CRTC3: variants seen among roughly 807,000 people sequenced by gnomAD.
CRTC3 encodes CREB-regulated transcription coactivator 3.
Under a neutral mutation model 74.5 loss-of-function variants are expected in CRTC3, and 26 were observed. That is an observed-to-expected ratio of 0.35 (90% CI 0.26 to 0.48). The LOEUF is 0.48. CRTC3 is among the 20% of genes least tolerant of loss of function. CRTC3 has a pLI of 0.99. For missense variants in CRTC3, 760 were observed against 787.3 expected (o/e 0.97, Z 0.41); for synonymous variants, 377 against 325.8 (o/e 1.16, Z -1.69).
chr15:90,637,298 G>A (rs546534473), intron 11 of CRTC3, among the ~76,000 whole-genome samples: 43 of 152,170 alleles, frequency 2.8e-4, no homozygotes, highest in African/African-American at 7.0e-4. Context: ...GCAAACTGTC[G>A]CAAGGACAAA....
At chr15:90,578,134 C>G (rs760193199) in intron 2 of CRTC3, among the ~76,000 whole-genome samples, 3 of 152,058 alleles carry the variant, frequency 2.0e-5, no homozygotes, top group African/African-American at 7.2e-5. Flanking sequence ...TCAAGCTGGT[C>G]TGGAACTCCT....
At chr15:90,572,109 C>G (rs1226999869) in intron 2 of CRTC3, among the ~76,000 whole-genome samples, 3 of 149,152 alleles carry the variant, frequency 2.0e-5, no homozygotes, top group Non-Finnish European at 2.9e-5. Context: ...TTGCAGTGAG[C>G]CAAGATTGCG....
intron 9 of CRTC3, among the ~76,000 whole-genome samples, chr15:90,621,542 T>C (rs985524704): frequency 6.6e-6 from 1 of 152,142 alleles, no homozygotes; most frequent in African/African-American, 2.4e-5. Flanking sequence ...AGGCTGGTCT[T>C]GAACTCCTGA....
chr15:90,643,512 C>G lies in CRTC3; in HGVS notation c.*1372C>G. 1 of 229,212 alleles carries G rather than the reference C, an allele frequency of 4.4e-6. No individual in the cohort carries two copies. The highest frequency in any genetic ancestry group is 8.7e-6 in the Non-Finnish European group (1 of 115,562). 14.2% of individuals were successfully genotyped at this position (229,212 alleles called of 1,614,324 possible). On this transcript the variant is annotated 3_prime_UTR_variant, in exon 15 of 15. Coordinates refer to ENST00000268184, the MANE Select transcript of CRTC3 (RefSeq NM_022769.5). ...GGCCCCACCCAGGAAGATCTTCCTT[C>G]TCAGATCCACGTTTGGCTCTAAATT...
intron 11 of CRTC3, chr15:90,634,831 A>G: frequency 6.5e-7 from 1 of 1,526,754 alleles, no homozygotes. Flanking sequence ...CTTCCAGAAA[A>G]ATCTCAAGGA....
chr15:90,557,644 G>A (rs192705832), intron 2 of CRTC3, among the ~76,000 whole-genome samples: 1 of 151,998 alleles, frequency 6.6e-6, no homozygotes, highest in African/African-American at 2.4e-5. Context: ...GACAGAGCCG[G>A]GTCTGTCTGG....
At position 90,642,138 on chromosome 15, in the gene CRTC3, TGAACAGAAGGCAGTG is replaced by T. The variant is rs1230629804; in HGVS notation, c.*8_*22del. On this transcript the variant is annotated stop_retained_variant and 3_prime_UTR_variant, in exon 15 of 15. Coordinates refer to ENST00000268184, the MANE Select transcript of CRTC3 (RefSeq NM_022769.5). Reference sequence around the variant, plus strand: ...AGAGACGTTTCGAGCTGACAGACTGTGAACAGAAGGCAGTGGAACAGAAGAATGTTTTTCTGCAAC... The same window carrying T: ...AGAGACGTTTCGAGCTGACAGACTGTGAACAGAAGAATGTTTTTCTGCAAC... 6.2e-7 allele frequency: 1 copy of T among 1,613,484 alleles called. No individual in the cohort carries two copies. Among genetic ancestry groups the T allele is most frequent in the South Asian group, 1.1e-5 (1 of 91,074 alleles).
intron 2 of CRTC3, among the ~76,000 whole-genome samples, chr15:90,556,020 T>C (rs1235778370): frequency 6.6e-6 from 1 of 152,124 alleles, no homozygotes; most frequent in African/African-American, 2.4e-5. Context: ...ACCATTTTAA[T>C]GTTAAGTTTA....
chr15:90,548,201 T>C (rs977420585), intron 2 of CRTC3, among the ~76,000 whole-genome samples: 1 of 152,232 alleles, frequency 6.6e-6, no homozygotes, highest in Non-Finnish European at 1.5e-5. Flanking sequence ...GTATCCTTTA[T>C]ATAACCTACC....
chr15:90,540,854 A>C (rs1966791139), intron 2 of CRTC3, among the ~76,000 whole-genome samples: 1 of 152,244 alleles, frequency 6.6e-6, no homozygotes, highest in Admixed American at 6.5e-5. Context: ...AGCATAAAAA[A>C]ACTGAGAAAT....
chr15:90,545,865 A>T (rs1018890563), intron 2 of CRTC3, among the ~76,000 whole-genome samples: 2 of 152,232 alleles, frequency 1.3e-5, no homozygotes, highest in South Asian at 2.1e-4. Context: ...GGCGTGAGCC[A>T]CTGCGCCTGG....
intron 2 of CRTC3, among the ~76,000 whole-genome samples, chr15:90,570,048 A>G (rs564528725): frequency 6.6e-6 from 1 of 152,224 alleles, no homozygotes; most frequent in Non-Finnish European, 1.5e-5. Context: ...ATATATTACT[A>G]TGTTGAACAA....
At position 90,617,935 on chromosome 15, in the gene CRTC3, G is replaced by T; in HGVS notation, c.666G>T (p.Lys222Asn). ...AAGAGAATCTGTTAAATGTTCCGAA[G>T]CCACTGCCAAAACAACTGTGGGAGA... ...LKEENLLNVP[K>N]PLPKQLWETK... The change falls in exon 8 of 15, where the codon AAG (lysine) becomes AAT (asparagine). Residue 222 changes from lysine (K) to asparagine (N), a missense_variant. Around this residue, in one of 2 missense-constraint regions of CRTC3, gnomAD observed 652 missense variants for 635.2 expected, o/e 1.03. Coordinates refer to ENST00000268184, the MANE Select transcript of CRTC3 (RefSeq NM_022769.5). The T allele has an allele frequency of 6.2e-7, 1 of 1,612,928 alleles. No homozygotes were observed.
At chr15:90,632,006 A>G (rs1394187278) in intron 11 of CRTC3, among the ~76,000 whole-genome samples, 1 of 151,282 alleles carries the variant, frequency 6.6e-6, no homozygotes, top group African/African-American at 2.4e-5. Context: ...AGCTCAGGTG[A>G]TCCTCCCACC....
At position 90,543,452 on chromosome 15, in the gene CRTC3, C is replaced by T. The variant is rs539952382; in HGVS notation, c.231+3315C>T. On this transcript the variant is annotated intron_variant, in intron 2 of 14. Transcript: ENST00000268184. ...ATCTATACATTCATTTTTTATCTCTCGGTATATGGTTTTATGATTTTCTAT... is the reference window on the plus strand; with the variant it reads ...ATCTATACATTCATTTTTTATCTCTTGGTATATGGTTTTATGATTTTCTAT... Among the ~76,000 whole-genome samples, 10 of 151,892 alleles carry T rather than the reference C, an allele frequency of 6.6e-5. No homozygotes were observed. The East Asian group carries it at 7.7e-4, about 12-fold the overall frequency.
At chr15:90,539,193 A>G (rs1966766285) in intron 1 of CRTC3, among the ~76,000 whole-genome samples, 1 of 152,240 alleles carries the variant, frequency 6.6e-6, no homozygotes, top group Non-Finnish European at 1.5e-5. Context: ...TTATTATTTT[A>G]GAAACAGAAC....
Position 90,530,277 on chromosome 15 carries a change from C to A in CRTC3, c.132+74C>A. 2.2e-6 allele frequency: 2 copies of A among 916,134 alleles called. No individual in the cohort carries two copies. Among genetic ancestry groups the A allele is most frequent in the Non-Finnish European group, 2.6e-6 (2 of 763,586 alleles). The allele number at this position is 916,134 out of a possible 1,614,324, so 56.8% of individuals were successfully genotyped here. A position where few individuals can be genotyped will look rare whatever the true frequency, so the allele number is the denominator to read the frequency against. ...GACCCGCGCGGCGGGTGAGAGGTTG[C>A]GGGGCCAAGGCGATGGCGGGGCCGG... On this transcript the variant is annotated intron_variant, in intron 1 of 14. Coordinates refer to ENST00000268184, the MANE Select transcript of CRTC3 (RefSeq NM_022769.5). This position sits in a 1 kb window ranked among gnomAD's most constrained non-coding sequence, Gnocchi z 6.2.
rs1189371760 is a variant in CRTC3, at chr15:90,625,851, A to G, written c.825A>G (p.Pro275=). 1 of 1,614,188 alleles carries G rather than the reference A, an allele frequency of 6.2e-7. No homozygotes were observed. Among genetic ancestry groups the G allele is most frequent in the South Asian group, 1.1e-5 (1 of 91,086 alleles). The change falls in exon 10 of 15, where the codon CCA becomes CCG. Residue 275 remains proline (P), a synonymous_variant. Coordinates refer to ENST00000268184, the MANE Select transcript of CRTC3 (RefSeq NM_022769.5). The part of the protein sequence containing the change: ...LGTLNTGGSL[P]DLTNLHYSTP... ...CCTTGAACACTGGAGGGTCATTGCCAGATCTAACCAACCTCCACTACTCGA... is the reference window on the plus strand; with the variant it reads ...CCTTGAACACTGGAGGGTCATTGCCGGATCTAACCAACCTCCACTACTCGA...
intron 10 of CRTC3, 48 bp downstream of exon 10, chr15:90,626,041 G>A: frequency 6.9e-7 from 1 of 1,445,964 alleles, no homozygotes. Context: ...ATCATAGGTG[G>A]TCCCCACCCA....
Sources: gnomAD v4.1 joint callset for allele counts (sites outside exome capture counted in the v4.1 genomes callset) on GRCh38, gnomAD v4.1.1 for gene constraint, gnomAD v4.1.1 regional missense constraint, Gnocchi (gnomAD v3.1) non-coding constraint, MANE v1.5 for transcripts, NCBI Gene and HGNC (gene_info 2026-07-23, HGNC 2026-07-21) for gene names.